ZNRF2: variants seen among roughly 807,000 people sequenced by gnomAD.
The protein encoded by ZNRF2 is E3 ubiquitin-protein ligase ZNRF2.
Under a neutral mutation model 20.4 loss-of-function variants are expected in ZNRF2, and 16 were observed. The ratio of observed to expected loss-of-function variants is 0.79; its 90% CI spans 0.53 to 1.19. The LOEUF is 1.19. ZNRF2 is among the 50% of genes most tolerant of loss of function. The pLI is 0.00. For synonymous variants in ZNRF2, 178 were observed against 144.9 expected, an observed-to-expected ratio of 1.23 and a Z score of -1.64; for missense variants, 363 against 332.4, an observed-to-expected ratio of 1.09 and a Z score of -0.72.
intron 2 of ZNRF2, among the ~76,000 whole-genome samples, chr7:30,346,101 C>T (rs1799872329): frequency 7.1e-6 from 1 of 140,066 alleles, no homozygotes; most frequent in Admixed American, 7.3e-5. Context: ...TTTGCCTTTA[C>T]ATATGAATGC....
At chr7:30,330,173 T>G (rs1799615792) in intron 2 of ZNRF2, among the ~76,000 whole-genome samples, 1 of 152,218 alleles carries the variant, frequency 6.6e-6, no homozygotes, top group Non-Finnish European at 1.5e-5. Context: ...TAAGGAATCT[T>G]TGTTTTACTT....
At chr7:30,287,082 T>A (rs1403526759) in intron 1 of ZNRF2, among the ~76,000 whole-genome samples, 1 of 152,236 alleles carries the variant, frequency 6.6e-6, no homozygotes, top group African/African-American at 2.4e-5. Flanking sequence ...ATTAGCTACC[T>A]TGTTTTAAAG....
intron 3 of ZNRF2, among the ~76,000 whole-genome samples, chr7:30,356,569 C>A (rs1800041977): frequency 1.3e-5 from 2 of 151,886 alleles, no homozygotes; most frequent in Admixed American, 1.3e-4. Context: ...GGATAGAAAA[C>A]TATATCCAGG....
intron 1 of ZNRF2, among the ~76,000 whole-genome samples, chr7:30,315,632 G>A (rs1466067959): frequency 1.3e-5 from 2 of 149,402 alleles, no homozygotes; most frequent in Admixed American, 6.9e-5. Flanking sequence ...TGGACAACAC[G>A]GAGGGCATTT....
At chr7:30,363,219 C>T (rs921113398) in intron 4 of ZNRF2, among the ~76,000 whole-genome samples, 1 of 152,158 alleles carries the variant, frequency 6.6e-6, no homozygotes, top group South Asian at 2.1e-4. Context: ...GGTGACAGAG[C>T]AAGACTGTCT....
chr7:30,354,587 G>A (rs1271397029), intron 2 of ZNRF2, among the ~76,000 whole-genome samples: 2 of 152,116 alleles, frequency 1.3e-5, no homozygotes, highest in Non-Finnish European at 2.9e-5. Context: ...GTTTTTATAG[G>A]AGGAATGGGC....
intron 3 of ZNRF2, 114 bp downstream of exon 3, chr7:30,355,947 A>G (rs546755940): frequency 3.9e-4 from 238 of 617,962 alleles, no homozygotes; most frequent in Non-Finnish European, 5.5e-4. Context: ...TCTCACACAC[A>G]CTTCTTAAAA....
At chr7:30,319,837 C>G (rs1799439250) in intron 1 of ZNRF2, among the ~76,000 whole-genome samples, 1 of 152,164 alleles carries the variant, frequency 6.6e-6, no homozygotes, top group African/African-American at 2.4e-5. Context: ...ACTGTTGACT[C>G]TCTTCATCAC....
chr7:30,336,278 T>C (rs1799715110), intron 2 of ZNRF2, among the ~76,000 whole-genome samples: 1 of 152,132 alleles, frequency 6.6e-6, no homozygotes, highest in African/African-American at 2.4e-5. Flanking sequence ...TGATTATCCG[T>C]AGCACTGCCT....
chr7:30,332,863 A>C (rs913496247), intron 2 of ZNRF2, among the ~76,000 whole-genome samples: 5 of 152,012 alleles, frequency 3.3e-5, no homozygotes, highest in African/African-American at 1.2e-4. Flanking sequence ...TTTTGGTTGA[A>C]TGATTTCTTT....
At chr7:30,301,226 T>TA (rs1250832071) in intron 1 of ZNRF2, among the ~76,000 whole-genome samples, 1 of 152,146 alleles carries the variant, frequency 6.6e-6, no homozygotes, top group East Asian at 1.9e-4. Context: ...CTCAAGCCTG[T>TA]AATCCTACCA....
chr7:30,320,134 A>G (rs1472236257), intron 1 of ZNRF2, among the ~76,000 whole-genome samples: 1 of 152,048 alleles, frequency 6.6e-6, no homozygotes, highest in Non-Finnish European at 1.5e-5. Flanking sequence ...ACACTTCTTG[A>G]GTCCCATTTT....
chr7:30,298,874 C>T (rs780932063), intron 1 of ZNRF2, among the ~76,000 whole-genome samples: 1 of 152,138 alleles, frequency 6.6e-6, no homozygotes, highest in Non-Finnish European at 1.5e-5. Context: ...CTTGTGCCTG[C>T]TGTAAATCAG....
intron 3 of ZNRF2, among the ~76,000 whole-genome samples, chr7:30,359,117 T>G (rs1800084381): frequency 1.3e-5 from 2 of 152,290 alleles, no homozygotes; most frequent in South Asian, 4.1e-4. Flanking sequence ...ATCTTGCATT[T>G]GAAATAAAAG....
rs557498081 is a variant in ZNRF2 at position 30,285,535 on chromosome 7, A to G, written c.178A>G (p.Ser60Gly). The G allele has an allele frequency of 0.011, 11,057 of 984,672 alleles. 88 individuals carry two copies. Among genetic ancestry groups the G allele is most frequent in the Admixed American group, 0.013 (207 of 15,766 alleles). 61.0% of individuals were successfully genotyped at this position (984,672 alleles called of 1,614,324 possible). ...TCAGGTGCCCAGCGCGCACCAGCCC[A>G]GCGCCTCCGGCGGCGCCGCGGCGGC... is the stretch of plus-strand genomic sequence containing the variant. ...PAQVPSAHQP[S>G]ASGGAAAAAA... The change falls in exon 1 of 5, where the codon AGC becomes GGC. Residue 60 changes from serine to glycine, a missense_variant. Physicochemically the swap from Ser to Gly is moderately conservative, Grantham distance 56. Around this residue, in one of 2 missense-constraint regions of ZNRF2, gnomAD observed 302 missense variants for 231.5 expected, o/e 1.30. Coordinates refer to ENST00000323037, the MANE Select transcript of ZNRF2 (RefSeq NM_147128.4).
chr7:30,300,184 C>T (rs186948447), intron 1 of ZNRF2, among the ~76,000 whole-genome samples: 2 of 130,234 alleles, frequency 1.5e-5, no homozygotes, highest in Non-Finnish European at 3.2e-5. Context: ...GAGTCTTACT[C>T]TCTTGTCAGG....
At chr7:30,291,708 A>C (rs888342073) in intron 1 of ZNRF2, among the ~76,000 whole-genome samples, 4 of 152,222 alleles carry the variant, frequency 2.6e-5, no homozygotes, top group Non-Finnish European at 5.9e-5. Context: ...ATAGAAGTAT[A>C]CTTTAAGTGG....
chr7:30,297,734 A>G lies in ZNRF2; in HGVS notation c.469+11908A>G, dbSNP rs1418161598. On this transcript the variant is annotated intron_variant, in intron 1 of 4. Transcript: ENST00000323037. ...CTCTTTGAGTCAGCTGCTTTCTGTG[A>G]TTTTTTTTTTTTGCCATTTTTTTCT... is the stretch of plus-strand genomic sequence containing the variant. 2.8e-5 allele frequency among the ~76,000 whole-genome samples: 4 copies of G among 140,606 alleles called. No individual in the cohort carries two copies. In the South Asian group the frequency reaches 9.1e-4, roughly 32 times the overall value. 92.2% of individuals were successfully genotyped at this position (140,606 alleles called of 152,430 possible).
At chr7:30,348,086 A>C (rs147905762) in intron 2 of ZNRF2, among the ~76,000 whole-genome samples, 94 of 151,964 alleles carry the variant, frequency 6.2e-4, no homozygotes, top group African/African-American at 2.2e-3. Context: ...TTTATTGGTA[A>C]ACTTGGCACA....
Sources: allele counts gnomAD v4.1 joint callset (sites outside exome capture counted in the v4.1 genomes callset), GRCh38; gene constraint gnomAD v4.1.1; regional missense constraint gnomAD v4.1.1; transcripts MANE v1.5; gene names NCBI Gene and HGNC (gene_info 2026-07-23, HGNC 2026-07-21).